Variants in TTC23L observed in about 807,000 individuals in gnomAD.
TTC23L encodes the protein tetratricopeptide repeat protein 23-like.
In TTC23L, 42 loss-of-function variants were observed where a neutral mutation model predicts 48.1. The observed-to-expected ratio is 0.87, with a 90% CI of 0.68 to 1.13. TTC23L has a LOEUF of 1.13. TTC23L is among the 50% of genes most tolerant of loss of function. TTC23L has a pLI of 0.00. For missense variants in TTC23L, 391 were observed against 421.0 expected (o/e 0.93, Z 0.62); for synonymous variants, 159 against 157.2 (o/e 1.01, Z -0.09).
chr5:34,858,152 G>A (rs1336410823), intron 4 of TTC23L, among the ~76,000 whole-genome samples: 1 of 152,170 alleles, frequency 6.6e-6, no homozygotes, highest in Non-Finnish European at 1.5e-5. Context: ...AGGCCTTGCT[G>A]CCCCTCTGCC....
At chr5:34,921,476 A>G in the TTC23L span, 2 of 152,240 alleles carry the variant, frequency 1.3e-5, no homozygotes, top group Non-Finnish European at 1.5e-5. Context: ...TTTTAGTTCT[A>G]TAAGTACTGC....
intron 9 of TTC23L, among the ~76,000 whole-genome samples, chr5:34,887,855 G>A (rs1762633369): frequency 6.6e-6 from 1 of 152,170 alleles, no homozygotes. Flanking sequence ...AATAAAAAAA[G>A]ACCATAGCAT....
At chr5:34,879,065 T>TC (rs1762046540) in intron 8 of TTC23L, among the ~76,000 whole-genome samples, 1 of 152,178 alleles carries the variant, frequency 6.6e-6, no homozygotes, top group Non-Finnish European at 1.5e-5. Context: ...GAACTGAAAG[T>TC]CATTATCTTA....
intron 9 of TTC23L, among the ~76,000 whole-genome samples, chr5:34,890,083 C>T (rs147224968): frequency 1.7e-3 from 255 of 151,876 alleles, no homozygotes; most frequent in African/African-American, 5.7e-3. Context: ...GTGATCCACC[C>T]GCCTCAGCCT....
At chr5:34,886,063 T>A (rs1762520885) in intron 9 of TTC23L, among the ~76,000 whole-genome samples, 1 of 152,204 alleles carries the variant, frequency 6.6e-6, no homozygotes, top group African/African-American at 2.4e-5. Context: ...ACACTGCTAA[T>A]CATAGGCTCT....
At chr5:34,907,877 T>C in the TTC23L span, 1 of 152,152 alleles carries the variant, frequency 6.6e-6, no homozygotes, top group Non-Finnish European at 1.5e-5. Flanking sequence ...TTAAATGCTA[T>C]TAAAGAAAAA....
chr5:34,894,938 A>C (rs1763114315), intron 9 of TTC23L, among the ~76,000 whole-genome samples: 1 of 152,120 alleles, frequency 6.6e-6, no homozygotes, highest in East Asian at 1.9e-4. Flanking sequence ...GATGAAGATG[A>C]CAATGATTGC....
chr5:34,873,237 TA>T (rs1340268416), intron 8 of TTC23L, among the ~76,000 whole-genome samples: 11 of 152,250 alleles, frequency 7.2e-5, no homozygotes, highest in African/African-American at 2.7e-4. Flanking sequence ...CATTAAAATG[TA>T]AACAGAATAT....
chr5:34,899,921 C>G (rs988410929), downstream of TTC23L, among the ~76,000 whole-genome samples: 7 of 152,012 alleles, frequency 4.6e-5, no homozygotes, highest in Admixed American at 4.6e-4. Context: ...ACAAACAAAC[C>G]CAACTAGGAT....
chr5:34,909,323 G>A, the TTC23L span: 3 of 1,610,746 alleles, frequency 1.9e-6, no homozygotes, highest in African/African-American at 1.3e-5. Context: ...GATAGTCAAG[G>A]TGGGAACTTC....
At chr5:34,906,790 C>T in the TTC23L span, 2 of 152,216 alleles carry the variant, frequency 1.3e-5, no homozygotes, top group African/African-American at 4.8e-5. Context: ...TGTTAGGCGC[C>T]GTTCTTTGTT....
Position 34,872,843 on chromosome 5 carries a change from G to A in TTC23L, c.949+3830G>A, listed in dbSNP as rs186545883. ...TTTGAGAGGCCGAGGCAGGTATTTT[G>A]CCTGAGGTCAGGAGTTTGAGACCAG... On this transcript the variant is annotated intron_variant, in intron 8 of 10. Transcript: ENST00000505624. Among the ~76,000 whole-genome samples, 750 of 152,226 alleles carry A rather than the reference G, an allele frequency of 4.9e-3. 3 individuals carry two copies. The highest frequency in any genetic ancestry group is 8.7e-3 in the Non-Finnish European group (594 of 68,006).
chr5:34,922,421 A>G, the TTC23L span: 1 of 894,250 alleles, frequency 1.1e-6, no homozygotes, highest in Non-Finnish European at 1.7e-6. Flanking sequence ...ACGAAACTTG[A>G]TACCTTTAAA....
chr5:34,915,902 G>T, the TTC23L span: 5 of 1,547,984 alleles, frequency 3.2e-6, no homozygotes, highest in Non-Finnish European at 4.4e-6. Context: ...TGCAAGGTAG[G>T]AGGGGATGTC....
At chr5:34,922,747 G>A in the TTC23L span, 1 of 1,613,922 alleles carries the variant, frequency 6.2e-7, no homozygotes, top group Non-Finnish European at 8.5e-7. Flanking sequence ...AAGGTTCTCG[G>A]CCCCTTTTGT....
At chr5:34,925,252 A>C in the TTC23L span, 4 of 1,608,192 alleles carry the variant, frequency 2.5e-6, no homozygotes, top group Non-Finnish European at 3.4e-6. Context: ...GATCCATCAC[A>C]GCTGCAAAAT....
intron 10 of TTC23L, among the ~76,000 whole-genome samples, chr5:34,899,127 T>C (rs1464002275): frequency 1.3e-5 from 2 of 152,158 alleles, no homozygotes; most frequent in Admixed American, 1.3e-4. Flanking sequence ...TGGTTTGCCA[T>C]CTGAATCAAG....
chr5:34,867,120 C>T, intron 7 of TTC23L, 51 bp downstream of exon 7: 1 of 1,564,230 alleles, frequency 6.4e-7, no homozygotes, highest in East Asian at 2.3e-5. Flanking sequence ...TGGCCCCAGG[C>T]TTGGTTCTCA....
chr5:34,880,854 G>T (rs1762182216), intron 9 of TTC23L, among the ~76,000 whole-genome samples: 1 of 152,084 alleles, frequency 6.6e-6, no homozygotes, highest in African/African-American at 2.4e-5. Flanking sequence ...GACCAGTCTG[G>T]TCTTGAACTC....
Sources: gnomAD v4.1 joint callset for allele counts (sites outside exome capture counted in the v4.1 genomes callset) on GRCh38, gnomAD v4.1.1 for gene constraint, MANE v1.5 for transcripts, NCBI Gene and HGNC (gene_info 2026-07-23, HGNC 2026-07-21) for gene names.